Variants in TOMM34 observed in about 807,000 individuals in gnomAD.
TOMM34 encodes translocase of outer mitochondrial membrane 34.
Under a neutral mutation model 37.4 loss-of-function variants are expected in TOMM34, and 24 were observed. That is an observed-to-expected ratio of 0.64 (90% CI 0.46 to 0.90). The LOEUF is 0.90. Ranked by LOEUF, TOMM34 falls within the 40% of genes least tolerant of loss-of-function variation. TOMM34 has a pLI of 0.00. For synonymous variants in TOMM34, 154 were observed against 148.9 expected, an observed-to-expected ratio of 1.03 and a Z score of -0.25; for missense variants, 304 against 375.6, an observed-to-expected ratio of 0.81 and a Z score of 1.58.
At position 44,960,338 on chromosome 20, in the gene TOMM34, T is replaced by C; in HGVS notation, c.-5A>G. The C allele has an allele frequency of 6.4e-7, 1 of 1,564,462 alleles. No homozygotes were observed. Among genetic ancestry groups the C allele is most frequent in the Non-Finnish European group, 8.7e-7 (1 of 1,154,876 alleles). ...GTCTGGGAATTTGGGGGCCATCCCG[T>C]GGCCAGGCCGGCGAGTTGGGAGCTC... is the stretch of plus-strand genomic sequence containing the variant. On this transcript the variant is annotated 5_prime_UTR_variant, in exon 1 of 7. Transcript: ENST00000372813.
rs1256993827 is a variant in TOMM34 at position 44,956,440 on chromosome 20, G to C, written c.173C>G (p.Ala58Gly). ...EEESVLYSNR[A>G]ACHLKDGNCR... The stretch of plus-strand genomic sequence containing the variant: ...GTTTCCATCCTTCAAGTGACATGCT[G>C]CTCGGTTGGAGTAGAGAACACTTTC... The change falls in exon 2 of 7, where the codon GCA becomes GGA. Residue 58 changes from alanine to glycine, a missense_variant. Ala to Gly is a moderately conservative substitution (Grantham distance 60). Coordinates refer to ENST00000372813, the MANE Select transcript of TOMM34 (RefSeq NM_006809.5). 6.2e-7 allele frequency: 1 copy of C among 1,614,082 alleles called. No individual in the cohort carries two copies. Among genetic ancestry groups the C allele is most frequent in the East Asian group, 2.2e-5 (1 of 44,896 alleles).
At chr20:44,957,518 C>A (rs144510727) in intron 1 of TOMM34, among the ~76,000 whole-genome samples, 32 of 152,234 alleles carry the variant, frequency 2.1e-4, no homozygotes, top group Admixed American at 2.6e-4. Context: ...CCACTTCATA[C>A]CCACTAGTGT....
chr20:44,954,922 T>G, intron 3 of TOMM34, 146 bp downstream of exon 3: 2 of 1,006,196 alleles, frequency 2.0e-6, no homozygotes, highest in Non-Finnish European at 2.8e-6. Flanking sequence ...AGATTTTCCT[T>G]TCTCAGCTTC....
At chr20:44,944,579 A>AGT (rs1250884663) in intron 5 of TOMM34, among the ~76,000 whole-genome samples, 1 of 152,218 alleles carries the variant, frequency 6.6e-6, no homozygotes, top group African/African-American at 2.4e-5. Context: ...GGCCAGGTGC[A>AGT]GTGGCTCATG....
At chr20:44,956,592 G>A (rs1325298242) in intron 1 of TOMM34, 107 bp from the exon 2 acceptor site, 2 of 1,037,220 alleles carry the variant, frequency 1.9e-6, no homozygotes. Flanking sequence ...TAAGGCAGTA[G>A]AGATAACTAT....
At chr20:44,956,862 CAAGA>C (rs1027725053) in intron 1 of TOMM34, among the ~76,000 whole-genome samples, 6 of 81,206 alleles carry the variant, frequency 7.4e-5, no homozygotes, top group African/African-American at 2.2e-4. Context: ...CATTTAAATC[CAAGA>C]AAGAAAGAAA....
intron 2 of TOMM34, chr20:44,955,661 TG>T (rs2067065776): frequency 2.2e-6 from 1 of 457,172 alleles, no homozygotes; most frequent in African/African-American, 2.0e-5. Flanking sequence ...AACCAAGTTC[TG>T]GCCTGGGACA....
At chr20:44,951,227 T>C (rs2067023527) in intron 4 of TOMM34, among the ~76,000 whole-genome samples, 1 of 152,166 alleles carries the variant, frequency 6.6e-6, no homozygotes. Flanking sequence ...CCTAGTGAGC[T>C]ATCAGAGAAA....
At position 44,960,252 on chromosome 20, in the gene TOMM34, C is replaced by A. The variant is rs1161442240; in HGVS notation, c.82G>T (p.Ala28Ser). 1 of 1,569,620 alleles carries A rather than the reference C, an allele frequency of 6.4e-7. No individual in the cohort carries two copies. The highest frequency in any genetic ancestry group is 1.8e-5 in the Admixed American group (1 of 54,254). The part of the protein sequence containing the change: ...ESFRNGQYAE[A>S]SALYGRALRV... ...AGCGCGCGGCCGTAGAGCGCGGAGG[C>A]CTCGGCGTACTGGCCGTTGCGGAAA... is the stretch of plus-strand genomic sequence containing the variant. The change falls in exon 1 of 7, where the codon GCC becomes TCC. Residue 28 changes from alanine to serine, a missense_variant. Transcript: ENST00000372813.
intron 5 of TOMM34, among the ~76,000 whole-genome samples, chr20:44,945,493 C>A (rs1648727956): frequency 6.6e-6 from 1 of 152,210 alleles, no homozygotes; most frequent in South Asian, 2.1e-4. Flanking sequence ...TCTGGAAACA[C>A]TCGCTCTTGG....
intron 5 of TOMM34, 113 bp downstream of exon 5, chr20:44,948,617 A>C: frequency 7.5e-7 from 1 of 1,332,206 alleles, no homozygotes; most frequent in Non-Finnish European, 1.0e-6. Flanking sequence ...GCATGTTTTC[A>C]GCCATAACAT....
At chr20:44,959,845 GC>G (rs943348039) in intron 1 of TOMM34, 7 of 843,160 alleles carry the variant, frequency 8.3e-6, no homozygotes, top group African/African-American at 1.8e-5. Context: ...CCTCCCCACC[GC>G]CCCCACAAGA....
intron 4 of TOMM34, among the ~76,000 whole-genome samples, chr20:44,950,357 A>T (rs574919684): frequency 6.6e-6 from 1 of 152,280 alleles, no homozygotes; most frequent in South Asian, 2.1e-4. Flanking sequence ...CATGCACTTA[A>T]GTCAGTTTCT....
chr20:44,943,260 G>C (rs1601134433), intron 6 of TOMM34, 47 bp from the exon 7 acceptor site: 1 of 1,608,408 alleles, frequency 6.2e-7, no homozygotes, highest in Non-Finnish European at 8.5e-7. Context: ...CCCGGACTGG[G>C]GTGGGGATAG....
chr20:44,947,521 CAG>C (rs747834007), intron 5 of TOMM34, among the ~76,000 whole-genome samples: 11 of 151,580 alleles, frequency 7.3e-5, no homozygotes, highest in Non-Finnish European at 1.3e-4. Flanking sequence ...TTTTTTGTGA[CAG>C]AGTCTCGCTC....
chr20:44,946,330 A>G (rs909986357), intron 5 of TOMM34, among the ~76,000 whole-genome samples: 15 of 152,232 alleles, frequency 9.9e-5, no homozygotes, highest in African/African-American at 3.4e-4. Flanking sequence ...AACAAAATGC[A>G]TAACTTCAGG....
chr20:44,950,138 G>A (rs960051235), intron 4 of TOMM34, among the ~76,000 whole-genome samples: 10 of 152,156 alleles, frequency 6.6e-5, no homozygotes, highest in Non-Finnish European at 1.5e-4. Flanking sequence ...TTCTCTTGAA[G>A]TAGGGCTTCA....
chr20:44,951,401 A>G (rs1189052639), intron 4 of TOMM34, among the ~76,000 whole-genome samples: 1 of 152,210 alleles, frequency 6.6e-6, no homozygotes, highest in Non-Finnish European at 1.5e-5. Flanking sequence ...CTGTTAATAT[A>G]CTGAGCTGCT....
chr20:44,955,997 T>C (rs942724952), intron 2 of TOMM34, among the ~76,000 whole-genome samples: 4 of 152,216 alleles, frequency 2.6e-5, no homozygotes, highest in African/African-American at 7.2e-5. Flanking sequence ...TGAGACAATC[T>C]ATTAACCTCT....
Sources: gnomAD v4.1 joint callset for allele counts (sites outside exome capture counted in the v4.1 genomes callset) on GRCh38, gnomAD v4.1.1 for gene constraint, MANE v1.5 for transcripts, NCBI Gene and HGNC (gene_info 2026-07-23, HGNC 2026-07-21) for gene names.